The following CAMK1D variants were observed in gnomAD, a reference collection of about 807,000 sequenced individuals.
CAMK1D encodes the protein calcium/calmodulin dependent protein kinase ID.
Under a neutral mutation model 47.7 loss-of-function variants are expected in CAMK1D, and 9 were observed. The ratio of observed to expected loss-of-function variants is 0.19; its 90% confidence interval spans 0.11 to 0.33. CAMK1D has a LOEUF of 0.33. CAMK1D is among the 10% of genes least tolerant of loss of function. The pLI is 1.00. For synonymous variants in CAMK1D, 184 were observed against 184.9 expected (o/e 0.99, Z 0.04); for missense variants, 291 against 488.7 (o/e 0.60, Z 3.81).
rs551333542 is a variant in CAMK1D, at chr10:12,645,711, G to A, written c.225-21025G>A. 1.3e-4 allele frequency among the ~76,000 whole-genome samples: 20 copies of A among 152,276 alleles called. No individual in the cohort carries two copies. The South Asian group carries it at 4.2e-3, about 32-fold the overall frequency. On this transcript the variant is annotated intron_variant, in intron 2 of 10. Transcript: ENST00000619168. ...ACACAAGCTGTGTGGGGGTGATGTG[G>A]CTCACCAAATGAAAATCAAGAACGT...
intron 1 of CAMK1D, among the ~76,000 whole-genome samples, chr10:12,532,526 G>T (rs539601220): frequency 5.3e-5 from 8 of 152,148 alleles, no homozygotes; most frequent in Non-Finnish European, 1.2e-4. Context: ...TGATCCGTCC[G>T]CCTCGGCCTC....
At chr10:12,588,823 C>CACACACACACAT (rs1837902528) in intron 2 of CAMK1D, among the ~76,000 whole-genome samples, 1 of 151,302 alleles carries the variant, frequency 6.6e-6, no homozygotes, top group African/African-American at 2.4e-5. Flanking sequence ...CACACATGCA[C>CACACACACACAT]ATACATATAT....
intron 2 of CAMK1D, among the ~76,000 whole-genome samples, chr10:12,604,839 T>C (rs976638571): frequency 2.0e-5 from 3 of 152,104 alleles, no homozygotes; most frequent in East Asian, 1.9e-4. Context: ...TGGAGACTAG[T>C]GTGCCATGGA....
At chr10:12,469,266 T>C (rs985271327) in intron 1 of CAMK1D, among the ~76,000 whole-genome samples, 4 of 152,072 alleles carry the variant, frequency 2.6e-5, no homozygotes, top group African/African-American at 9.7e-5. Flanking sequence ...ATTTCTATAG[T>C]CTTGAATTAG....
At chr10:12,731,390 T>C (rs1479869138) in intron 3 of CAMK1D, among the ~76,000 whole-genome samples, 1 of 152,082 alleles carries the variant, frequency 6.6e-6, no homozygotes, top group African/African-American at 2.4e-5. Context: ...TCTTGGGAAA[T>C]AGAGATTGGA....
At chr10:12,715,101 C>T (rs1834077794) in intron 3 of CAMK1D, among the ~76,000 whole-genome samples, 3 of 152,284 alleles carry the variant, frequency 2.0e-5, no homozygotes, top group Non-Finnish European at 2.9e-5. Context: ...CCCTCAGACG[C>T]CCCCTACACC....
chr10:12,526,381 C>T lies in CAMK1D; in HGVS notation c.93-26844C>T, dbSNP rs1403926081. On this transcript the variant is annotated intron_variant, in intron 1 of 10. Transcript: ENST00000619168. Reference sequence around the variant, plus strand: ...GGTGTGTTTTACGCATGAGCATTTCCTGAGTGAGCCGGGACTTGTGCTGAT... The same window carrying T: ...GGTGTGTTTTACGCATGAGCATTTCTTGAGTGAGCCGGGACTTGTGCTGAT... Among the ~76,000 whole-genome samples the T allele has an allele frequency of 2.1e-4, 32 of 152,158 alleles. 1 individual carries two copies. Among genetic ancestry groups the T allele is most frequent in the Admixed American group, 2.1e-3 (32 of 15,270 alleles).
chr10:12,511,281 T>C (rs1835030801), intron 1 of CAMK1D, among the ~76,000 whole-genome samples: 1 of 152,030 alleles, frequency 6.6e-6, no homozygotes, highest in South Asian at 2.1e-4. Flanking sequence ...TGGCAGCAAA[T>C]TGGAATCTCC....
At chr10:12,741,930 G>A (rs899815740) in intron 3 of CAMK1D, among the ~76,000 whole-genome samples, 8 of 152,112 alleles carry the variant, frequency 5.3e-5, no homozygotes, top group Non-Finnish European at 8.8e-5. Context: ...GGGATCTTTA[G>A]CTCTCATGTG....
chr10:12,761,386 T>A (rs1174286155), intron 4 of CAMK1D, among the ~76,000 whole-genome samples: 1 of 152,096 alleles, frequency 6.6e-6, no homozygotes, highest in East Asian at 1.9e-4. Context: ...TAAGAGACGA[T>A]TTTGCTCAAG....
At chr10:12,799,914 T>C (rs111959575) in intron 6 of CAMK1D, among the ~76,000 whole-genome samples, 190 of 152,326 alleles carry the variant, frequency 1.2e-3, no homozygotes, top group Non-Finnish European at 2.2e-3. Context: ...GCATCAACTT[T>C]CTAAGGAGTG....
chr10:12,800,094 A>T (rs982979797), intron 6 of CAMK1D, among the ~76,000 whole-genome samples: 1 of 152,138 alleles, frequency 6.6e-6, no homozygotes, highest in African/African-American at 2.4e-5. Flanking sequence ...CACCCTCTGC[A>T]TGGTTTAATA....
intron 3 of CAMK1D, among the ~76,000 whole-genome samples, chr10:12,693,793 G>A (rs973309705): frequency 5.5e-5 from 8 of 146,652 alleles, no homozygotes; most frequent in Non-Finnish European, 7.4e-5. Context: ...ATAAATCCTC[G>A]ATTCACTTGA....
chr10:12,734,368 AT>A (rs1835050856), intron 3 of CAMK1D, among the ~76,000 whole-genome samples: 2 of 21,246 alleles, frequency 9.4e-5, no homozygotes, highest in African/African-American at 1.7e-4. Context: ...ATATATATAT[AT>A]ATATATATAG....
chr10:12,602,782 A>C (rs954449505), intron 2 of CAMK1D, among the ~76,000 whole-genome samples: 1 of 151,044 alleles, frequency 6.6e-6, no homozygotes. Flanking sequence ...CTGCCTACAC[A>C]CTCCGCCTCT....
chr10:12,725,177 C>T (rs2130796018), intron 3 of CAMK1D: 1 of 154,026 alleles, frequency 6.5e-6, no homozygotes, highest in Non-Finnish European at 1.5e-5. Context: ...CACATTGCCA[C>T]AGGAGCCAGT....
chr10:12,469,729 A>T (rs1833693335), intron 1 of CAMK1D, among the ~76,000 whole-genome samples: 1 of 152,228 alleles, frequency 6.6e-6, no homozygotes, highest in African/African-American at 2.4e-5. Context: ...TGGAGAAAAC[A>T]ATGTTATATT....
At chr10:12,369,727 G>A (rs1837950625) in intron 1 of CAMK1D, among the ~76,000 whole-genome samples, 1 of 152,122 alleles carries the variant, frequency 6.6e-6, no homozygotes, top group South Asian at 2.1e-4. Flanking sequence ...GAGAGGCCCA[G>A]GTGGGTGCGT....
intron 3 of CAMK1D, among the ~76,000 whole-genome samples, chr10:12,748,792 C>G (rs1330782102): frequency 6.6e-6 from 1 of 152,138 alleles, no homozygotes; most frequent in African/African-American, 2.4e-5. Context: ...GTAGTCCCAG[C>G]TATTCGAGAG....
Sources: gnomAD v4.1 joint callset for allele counts (sites outside exome capture counted in the v4.1 genomes callset) on GRCh38, gnomAD v4.1.1 for gene constraint, MANE v1.5 for transcripts, NCBI Gene and HGNC (gene_info 2026-07-23, HGNC 2026-07-21) for gene names.